Variants in BMAL1 observed in about 807,000 individuals in gnomAD.
BMAL1 encodes the protein basic helix-loop-helix ARNT like 1, also known as basic helix-loop-helix ARNT-like protein 1.
chr11:13,373,583 T>C, the BMAL1 span, among the ~76,000 whole-genome samples: 2 of 152,348 alleles, frequency 1.3e-5, no homozygotes, highest in South Asian at 4.1e-4. Context: ...CTTGGCTTAC[T>C]GTAGCCTTGA....
At chr11:13,281,424 T>G in the BMAL1 span, among the ~76,000 whole-genome samples, 1 of 152,324 alleles carries the variant, frequency 6.6e-6, no homozygotes, top group African/African-American at 2.4e-5. Context: ...TTCTTTATAT[T>G]TCTTCTCAAA....
chr11:13,307,844 G>A, the BMAL1 span, among the ~76,000 whole-genome samples: 3 of 152,180 alleles, frequency 2.0e-5, no homozygotes, highest in East Asian at 1.9e-4. Flanking sequence ...AGCCTGCCCC[G>A]AGGCCCGCGA....
At chr11:13,357,180 C>T in the BMAL1 span, 2 of 1,577,400 alleles carry the variant, frequency 1.3e-6, no homozygotes, top group African/African-American at 2.7e-5. The surrounding 1 kb of genome is among the most constrained non-coding windows in gnomAD (Gnocchi z 4.8). Flanking sequence ...CATGTTTGGT[C>T]CTGTCTAAGA....
the BMAL1 span, among the ~76,000 whole-genome samples, chr11:13,340,430 T>C: frequency 6.6e-6 from 1 of 152,248 alleles, no homozygotes; most frequent in Non-Finnish European, 1.5e-5. Context: ...CATATCCCAC[T>C]GACCTTTCTC....
At chr11:13,280,124 A>G in the BMAL1 span, among the ~76,000 whole-genome samples, 1 of 152,240 alleles carries the variant, frequency 6.6e-6, no homozygotes, top group Non-Finnish European at 1.5e-5. Context: ...TCAGGTTGGT[A>G]TTTACCTCCT....
the BMAL1 span, among the ~76,000 whole-genome samples, chr11:13,316,990 C>T: frequency 1.3e-5 from 2 of 152,172 alleles, no homozygotes; most frequent in African/African-American, 2.4e-5. Flanking sequence ...CTCCCTTAGC[C>T]TCCATTTTCT....
the BMAL1 span, among the ~76,000 whole-genome samples, chr11:13,278,671 T>C: frequency 3.3e-5 from 5 of 152,174 alleles, no homozygotes; most frequent in Admixed American, 1.3e-4. Flanking sequence ...CCCTCAAGGA[T>C]GCCCCGTGGG....
At chr11:13,377,646 T>G in the BMAL1 span, among the ~76,000 whole-genome samples, 1 of 152,208 alleles carries the variant, frequency 6.6e-6, no homozygotes, top group Admixed American at 6.5e-5. Context: ...CCTCATTCCC[T>G]TGTGGAAACT....
At chr11:13,352,857 G>T in the BMAL1 span, among the ~76,000 whole-genome samples, 1 of 152,202 alleles carries the variant, frequency 6.6e-6, no homozygotes, top group Non-Finnish European at 1.5e-5. Flanking sequence ...GACAGCTCCA[G>T]TCCTACTCCA....
chr11:13,355,144 A>T, the BMAL1 span: 2 of 1,290,576 alleles, frequency 1.5e-6, no homozygotes, highest in South Asian at 2.7e-5. Flanking sequence ...CCAAATGTCC[A>T]TTTAAGAGGT....
the BMAL1 span, among the ~76,000 whole-genome samples, chr11:13,358,025 C>T: frequency 6.6e-6 from 1 of 152,226 alleles, no homozygotes; most frequent in Admixed American, 6.5e-5. Context: ...CAGCGGGCTC[C>T]TCACAGACCT....
the BMAL1 span, among the ~76,000 whole-genome samples, chr11:13,278,838 C>T: frequency 6.6e-6 from 1 of 152,354 alleles, no homozygotes; most frequent in East Asian, 1.9e-4. Flanking sequence ...TCGGCTATTG[C>T]CGGGCGTTGA....
At chr11:13,348,441 G>A in the BMAL1 span, among the ~76,000 whole-genome samples, 38 of 152,112 alleles carry the variant, frequency 2.5e-4, no homozygotes, top group Non-Finnish European at 2.1e-4. Context: ...GGCTGGAGAC[G>A]ACAGCAGACT....
chr11:13,277,020 C>G, the BMAL1 span: 1 of 152,340 alleles, frequency 6.6e-6, no homozygotes, highest in African/African-American at 2.4e-5. Flanking sequence ...TTTGGAACTA[C>G]GGGAATGACA....
chr11:13,302,850 A>G, the BMAL1 span, among the ~76,000 whole-genome samples: 4 of 152,056 alleles, frequency 2.6e-5, no homozygotes, highest in Admixed American at 2.6e-4. Flanking sequence ...GAAGCTCACT[A>G]CCTATGTGTT....
the BMAL1 span, among the ~76,000 whole-genome samples, chr11:13,322,662 T>C: frequency 6.6e-6 from 1 of 151,426 alleles, no homozygotes; most frequent in Non-Finnish European, 1.5e-5. Context: ...ATACATAAAG[T>C]GACACATGGG....
At chr11:13,329,325 C>T in the BMAL1 span, among the ~76,000 whole-genome samples, 1 of 152,172 alleles carries the variant, frequency 6.6e-6, no homozygotes, top group African/African-American at 2.4e-5. Context: ...ATATAGGTCT[C>T]AATTTTGAGT....
the BMAL1 span, chr11:13,354,346 G>C: frequency 3.7e-6 from 6 of 1,613,642 alleles, no homozygotes; most frequent in East Asian, 1.3e-4. Flanking sequence ...TCAACCATCA[G>C]TGATTTCATG....
At chr11:13,302,317 C>T in the BMAL1 span, among the ~76,000 whole-genome samples, 3 of 152,190 alleles carry the variant, frequency 2.0e-5, no homozygotes, top group African/African-American at 4.8e-5. Context: ...GTGTCCTATC[C>T]TGGCTGCAGA....
Sources: allele counts gnomAD v4.1 joint callset (sites outside exome capture counted in the v4.1 genomes callset), GRCh38; gene constraint gnomAD v4.1.1; non-coding constraint Gnocchi (gnomAD v3.1); transcripts MANE v1.5; gene names NCBI Gene and HGNC (gene_info 2026-07-23, HGNC 2026-07-21).